Variants in UST observed in about 807,000 individuals in gnomAD.
The protein encoded by UST is chondroitin sulfate 2-O-sulfotransferase.
In UST, 21 loss-of-function variants were observed where a neutral mutation model predicts 45.6. The ratio of observed to expected loss-of-function variants is 0.46; its 90% confidence interval spans 0.33 to 0.66. UST has a LOEUF of 0.66. Ranked by LOEUF, UST falls within the 30% of genes least tolerant of loss-of-function variation. The pLI, the probability that UST is intolerant of heterozygous loss-of-function variation, is 0.02. For missense variants in UST, 463 were observed against 512.4 expected (o/e 0.90, Z 0.93); for synonymous variants, 215 against 200.6 (o/e 1.07, Z -0.61).
chr6:148,898,027 A>C (rs990060903), intron 2 of UST, among the ~76,000 whole-genome samples: 4 of 152,182 alleles, frequency 2.6e-5, no homozygotes, highest in African/African-American at 9.7e-5. Flanking sequence ...ATCCTACAAA[A>C]GTACAAAAGT....
intron 1 of UST, among the ~76,000 whole-genome samples, chr6:148,777,542 A>G (rs779411546): frequency 3.3e-5 from 5 of 152,062 alleles, no homozygotes; most frequent in Non-Finnish European, 7.4e-5. Flanking sequence ...GTACCTTTCC[A>G]TGTTAATTTT....
intron 1 of UST, among the ~76,000 whole-genome samples, chr6:148,785,469 A>G (rs1226284121): frequency 1.3e-5 from 2 of 152,224 alleles, no homozygotes. Flanking sequence ...ATGCAAATGA[A>G]AATTGCTTTA....
At chr6:148,984,602 A>C (rs1781205109) in intron 5 of UST, among the ~76,000 whole-genome samples, 1 of 152,192 alleles carries the variant, frequency 6.6e-6, no homozygotes, top group Non-Finnish European at 1.5e-5. Flanking sequence ...TGGCACAATC[A>C]TAGCTCACTG....
intron 3 of UST, among the ~76,000 whole-genome samples, chr6:148,945,415 G>A (rs1397314718): frequency 6.6e-6 from 1 of 152,156 alleles, no homozygotes; most frequent in Non-Finnish European, 1.5e-5. Flanking sequence ...TTAAAACCTA[G>A]AGTTGCAGTG....
At chr6:148,767,732 G>A (rs1435685118) in intron 1 of UST, among the ~76,000 whole-genome samples, 2 of 152,052 alleles carry the variant, frequency 1.3e-5, no homozygotes, top group Non-Finnish European at 2.9e-5. Context: ...CTGGGATACA[G>A]GAAAAAAGCA....
intron 1 of UST, among the ~76,000 whole-genome samples, chr6:148,838,949 T>A (rs1014409328): frequency 6.6e-6 from 1 of 152,168 alleles, no homozygotes; most frequent in African/African-American, 2.4e-5. Flanking sequence ...TATGCCCCCA[T>A]ATGCAGCTGC....
At chr6:148,796,622 T>TAAAAAAAAAAAAAAAAAAAAAAAAAA (rs1449754454) in intron 1 of UST, among the ~76,000 whole-genome samples, 1 of 44,440 alleles carries the variant, frequency 2.3e-5, no homozygotes. Flanking sequence ...AGACTCTGTC[T>TAAAAAAAAAAAAAAAAAAAAAAAAAA]CAAAAAAAAA....
In UST at chr6:148,907,902, C is replaced by CT. The variant is rs67488239; in HGVS notation, c.291+20899dup. ...AATTTATGTCAGGGTGTTTCCAGGG[C>CT]TTTTTTTTTTTTTTTTTTTTTTTTT... On this transcript the variant is annotated intron_variant, in intron 2 of 7. Transcript: ENST00000367463. 5.4e-4 allele frequency among the ~76,000 whole-genome samples: 37 copies of CT among 68,212 alleles called. 2 individuals carry two copies. Among genetic ancestry groups the CT allele is most frequent in the East Asian group, 5.2e-3 (10 of 1,938 alleles). The allele number at this position is 68,212 out of a possible 152,430, so 44.7% of individuals were successfully genotyped here.
intron 1 of UST, among the ~76,000 whole-genome samples, chr6:148,789,294 A>G (rs1297495472): frequency 6.6e-6 from 1 of 152,024 alleles, no homozygotes; most frequent in Non-Finnish European, 1.5e-5. Flanking sequence ...CATCAGCATC[A>G]CCTGTGAACT....
intron 1 of UST, among the ~76,000 whole-genome samples, chr6:148,821,651 G>A (rs889245793): frequency 1.4e-4 from 21 of 152,288 alleles, no homozygotes; most frequent in African/African-American, 4.3e-4. Flanking sequence ...TTTAGCATCC[G>A]TTGATGATTC....
In UST at chr6:148,982,757, T is replaced by G. The variant is rs141470729; in HGVS notation, c.681+18194T>G. On this transcript the variant is annotated intron_variant, in intron 5 of 7. Transcript: ENST00000367463. ...TTTAAACTTGAGGTTTATGAGCACT[T>G]GCTTTTAGATACTAATCATTACAGG... Among the ~76,000 whole-genome samples, 977 of 152,372 alleles carry G rather than the reference T, an allele frequency of 6.4e-3. 7 individuals are homozygous for G. Among genetic ancestry groups the G allele is most frequent in the African/African-American group, 0.022 (915 of 41,590 alleles).
intron 5 of UST, among the ~76,000 whole-genome samples, chr6:148,984,331 G>A (rs1251302619): frequency 3.3e-5 from 5 of 152,240 alleles, no homozygotes; most frequent in South Asian, 2.1e-4. Context: ...GGAACAATAC[G>A]TGCATAGGTC....
intron 5 of UST, among the ~76,000 whole-genome samples, chr6:148,995,616 C>T (rs895509575): frequency 2.6e-5 from 4 of 152,214 alleles, no homozygotes; most frequent in African/African-American, 9.6e-5. Flanking sequence ...AAACCAGTTA[C>T]CTGTGGGTCA....
intron 2 of UST, among the ~76,000 whole-genome samples, chr6:148,922,102 A>G (rs76842500): frequency 0.013 from 2,015 of 152,330 alleles, 45 homozygotes; most frequent in African/African-American, 0.046. Context: ...AATTCTATTC[A>G]CATACCAGGA....
At chr6:148,879,328 A>G (rs1778781167) in intron 1 of UST, among the ~76,000 whole-genome samples, 1 of 152,242 alleles carries the variant, frequency 6.6e-6, no homozygotes, top group Non-Finnish European at 1.5e-5. Flanking sequence ...TCCCACCGGA[A>G]ATGATGGAAG....
At chr6:149,010,523 C>G (rs1347290969) in intron 5 of UST, among the ~76,000 whole-genome samples, 1 of 152,054 alleles carries the variant, frequency 6.6e-6, no homozygotes, top group Non-Finnish European at 1.5e-5. Context: ...TTGAAAAGAG[C>G]CTACCAAAAA....
At chr6:149,009,641 G>A (rs115018359) in intron 5 of UST, among the ~76,000 whole-genome samples, 41 of 152,016 alleles carry the variant, frequency 2.7e-4, no homozygotes, top group African/African-American at 9.4e-4. Flanking sequence ...CAAATTCCTT[G>A]TAAGCTAGAA....
chr6:148,854,141 A>C (rs555777017), intron 1 of UST, among the ~76,000 whole-genome samples: 1 of 152,360 alleles, frequency 6.6e-6, no homozygotes, highest in Admixed American at 6.5e-5. Context: ...TGATTCAGCT[A>C]TAAAAATATG....
chr6:148,929,836 A>G (rs1302054742), intron 2 of UST, among the ~76,000 whole-genome samples: 1 of 152,138 alleles, frequency 6.6e-6, no homozygotes, highest in African/African-American at 2.4e-5. Context: ...ATGAGGGGAA[A>G]CACTAGGCCA....
Sources: allele counts gnomAD v4.1 joint callset (sites outside exome capture counted in the v4.1 genomes callset), GRCh38; gene constraint gnomAD v4.1.1; transcripts MANE v1.5; gene names NCBI Gene and HGNC (gene_info 2026-07-23, HGNC 2026-07-21).